Variants in TRAK2 observed in about 807,000 individuals in gnomAD.
TRAK2 encodes trafficking kinesin protein 2.
TRAK2 carries 81 observed loss-of-function variants against 104.6 expected under a neutral mutation model. The ratio of observed to expected loss-of-function variants is 0.77; its 90% confidence interval spans 0.65 to 0.93. The LOEUF (loss-of-function observed/expected upper bound fraction) is 0.93. Ranked by LOEUF, TRAK2 falls within the 40% of genes least tolerant of loss-of-function variation. TRAK2 has a pLI of 0.00. For synonymous variants in TRAK2, 406 were observed against 394.4 expected, an observed-to-expected ratio of 1.03 and a Z score of -0.35; for missense variants, 1,002 against 1,089.0, an observed-to-expected ratio of 0.92 and a Z score of 1.12.
chr2:201,399,238 T>G (rs1190378227), intron 5 of TRAK2, 139 bp downstream of exon 5: 1 of 582,370 alleles, frequency 1.7e-6, no homozygotes, highest in African/African-American at 1.9e-5. Flanking sequence ...TACTGATTAG[T>G]TTAATGGACA....
rs373635648 is a variant in TRAK2, at chr2:201,384,186, G to C, written c.1994C>G (p.Ser665Trp). The C allele has an allele frequency of 1.2e-6, 2 of 1,613,404 alleles. No homozygotes were observed. The highest frequency in any genetic ancestry group is 2.2e-5 in the South Asian group (2 of 90,974). ...VATANPGKCLSCTNSTFTFTT... is the reference protein window; with the variant it reads ...VATANPGKCLWCTNSTFTFTT... ...GAAAGTGAATGTTGAGTTTGTGCAC[G>C]ACAGGCACTTTCCTGGGTTGGCGGT... Residue 665 changes from serine to tryptophan, a missense_variant, in exon 15 of 16, where the codon TCG becomes TGG. Coordinates refer to ENST00000332624, the MANE Select transcript of TRAK2 (RefSeq NM_015049.3).
chr2:201,385,375 C>T (rs1951379497), intron 14 of TRAK2, among the ~76,000 whole-genome samples: 1 of 151,306 alleles, frequency 6.6e-6, no homozygotes, highest in African/African-American at 2.4e-5. Context: ...CAGGGTTTCA[C>T]CATGTTGGCC....
intron 7 of TRAK2, among the ~76,000 whole-genome samples, chr2:201,396,833 T>C (rs1421822444): frequency 6.6e-6 from 1 of 152,160 alleles, no homozygotes; most frequent in East Asian, 1.9e-4. Flanking sequence ...CAACATTTCA[T>C]CACGCTACTC....
intron 10 of TRAK2, among the ~76,000 whole-genome samples, chr2:201,392,006 T>C (rs1409312967): frequency 6.6e-6 from 1 of 152,158 alleles, no homozygotes; most frequent in Non-Finnish European, 1.5e-5. Flanking sequence ...TGCTGATGGT[T>C]GTAGTGCGTT....
chr2:201,423,060 C>CAA (rs1951757080), intron 1 of TRAK2, among the ~76,000 whole-genome samples: 1 of 151,052 alleles, frequency 6.6e-6, no homozygotes, highest in Non-Finnish European at 1.5e-5. Flanking sequence ...CACACACACA[C>CAA]ACACACACAC....
At chr2:201,444,506 C>T (rs535169293) in intron 1 of TRAK2, among the ~76,000 whole-genome samples, 2 of 151,862 alleles carry the variant, frequency 1.3e-5, no homozygotes, top group South Asian at 4.2e-4. Context: ...TATATGCTAA[C>T]TCCTTCTCAC....
chr2:201,450,686 AC>A (rs1346332874), intron 1 of TRAK2, among the ~76,000 whole-genome samples: 1 of 146,668 alleles, frequency 6.8e-6, no homozygotes, highest in Admixed American at 6.8e-5. Flanking sequence ...CTGTGAAGTT[AC>A]CTTTTTTTTT....
At chr2:201,394,086 TTA>T (rs1376195352) in intron 9 of TRAK2, among the ~76,000 whole-genome samples, 2 of 152,154 alleles carry the variant, frequency 1.3e-5, no homozygotes, top group Non-Finnish European at 2.9e-5. Context: ...AATCACTAAG[TTA>T]TATTTAATAA....
At chr2:201,429,998 T>C (rs1161677862) in intron 1 of TRAK2, among the ~76,000 whole-genome samples, 1 of 152,200 alleles carries the variant, frequency 6.6e-6, no homozygotes, top group Non-Finnish European at 1.5e-5. Context: ...TTGATCATGA[T>C]GGGGTTTTGG....
Position 201,398,200 on chromosome 2 carries a change from A to G in TRAK2, c.635T>C (p.Met212Thr), listed in dbSNP as rs149930441. 2 of 1,613,672 alleles carry G rather than the reference A, an allele frequency of 1.2e-6. No homozygotes were observed. The highest frequency in any genetic ancestry group is 2.7e-5 in the African/African-American group (2 of 74,918). ...CAGTTCCTTGAGCTTTTCTTGCAGCATTTCCAACTGCAGCAACCCTTGAGA... is the reference window on the plus strand; with the variant it reads ...CAGTTCCTTGAGCTTTTCTTGCAGCGTTTCCAACTGCAGCAACCCTTGAGA... ...SLSQGLLQLE[M>T]LQEKLKELEE... Residue 212 changes from methionine to threonine, a missense_variant, in exon 6 of 16, where the codon ATG becomes ACG. By Grantham distance (81) the Met-to-Thr change is moderately conservative. Coordinates refer to ENST00000332624, the MANE Select transcript of TRAK2 (RefSeq NM_015049.3).
chr2:201,382,008 T>C (rs1951349535), intron 15 of TRAK2, among the ~76,000 whole-genome samples: 1 of 152,216 alleles, frequency 6.6e-6, no homozygotes, highest in Non-Finnish European at 1.5e-5. Flanking sequence ...TGCAGAGGAC[T>C]GGCCCTGTAA....
At chr2:201,390,449 A>G (rs1304615631) in intron 10 of TRAK2, among the ~76,000 whole-genome samples, 1 of 150,506 alleles carries the variant, frequency 6.6e-6, no homozygotes, top group Admixed American at 6.6e-5. Context: ...CTGTAGTCCC[A>G]GCTACTCGGG....
intron 3 of TRAK2, among the ~76,000 whole-genome samples, chr2:201,404,836 G>C (rs1188475532): frequency 6.6e-6 from 1 of 152,168 alleles, no homozygotes; most frequent in East Asian, 1.9e-4. Context: ...AGCTACAATA[G>C]CTCCTGACAC....
intron 3 of TRAK2, among the ~76,000 whole-genome samples, chr2:201,406,718 T>C (rs996122158): frequency 2.0e-5 from 3 of 152,180 alleles, no homozygotes; most frequent in African/African-American, 7.2e-5. Flanking sequence ...CACAACATTT[T>C]TTACCAAATG....
chr2:201,389,543 C>T, intron 11 of TRAK2, 40 bp from the exon 12 acceptor site: 2 of 1,563,706 alleles, frequency 1.3e-6, no homozygotes, highest in Non-Finnish European at 1.7e-6. Context: ...CACTGCTAGC[C>T]ACTAAAGCAT....
intron 3 of TRAK2, among the ~76,000 whole-genome samples, chr2:201,402,925 G>A (rs1951561736): frequency 6.6e-6 from 1 of 152,140 alleles, no homozygotes; most frequent in African/African-American, 2.4e-5. Flanking sequence ...CCACCAATCT[G>A]GGGTTAACAC....
intron 2 of TRAK2, chr2:201,410,408 C>T: frequency 1.8e-6 from 1 of 551,682 alleles, no homozygotes; most frequent in Non-Finnish European, 3.2e-6. Flanking sequence ...AACTACTATG[C>T]TGGCATGGAC....
chr2:201,412,759 A>T, intron 2 of TRAK2: 1 of 1,316,022 alleles, frequency 7.6e-7, no homozygotes, highest in Non-Finnish European at 1.1e-6. Flanking sequence ...TTTATTCAAA[A>T]TTGTATTTTC....
At chr2:201,414,224 C>A (rs1951672864) in intron 2 of TRAK2, among the ~76,000 whole-genome samples, 1 of 152,154 alleles carries the variant, frequency 6.6e-6, no homozygotes, top group Non-Finnish European at 1.5e-5. Flanking sequence ...CTGCCACTAT[C>A]TTCCTGTTCC....
Sources: allele counts gnomAD v4.1 joint callset (sites outside exome capture counted in the v4.1 genomes callset), GRCh38; gene constraint gnomAD v4.1.1; transcripts MANE v1.5; gene names NCBI Gene and HGNC (gene_info 2026-07-23, HGNC 2026-07-21).